The following ZNF132 variants were observed in gnomAD, a reference collection of about 807,000 sequenced individuals.
ZNF132 encodes zinc finger protein 132 (clone pHZ-12).
Under a neutral mutation model 9.3 loss-of-function variants are expected in ZNF132, and 6 were observed. The observed-to-expected ratio is 0.65, with a 90% CI of 0.35 to 1.28. ZNF132 has a LOEUF of 1.28. Ranked by LOEUF, ZNF132 falls within the 50% of genes most tolerant of loss-of-function variation. The pLI, the probability that ZNF132 is intolerant of heterozygous loss-of-function variation, is 0.03. For missense variants in ZNF132, 877 were observed against 843.2 expected, an observed-to-expected ratio of 1.04 and a Z score of -0.50; for synonymous variants, 296 against 292.0, an observed-to-expected ratio of 1.01 and a Z score of -0.14.
rs145132549 is a variant in ZNF132 at position 58,433,481 on chromosome 19, A to G, written c.1963T>C (p.Tyr655His). 15 of 1,614,030 alleles carry G rather than the reference A, an allele frequency of 9.3e-6. No homozygotes were observed. In the African/African-American group the frequency reaches 9.3e-5, roughly 10 times the overall value. ...GCTTTTCCACACTGGATGCACTCAT[A>G]GGGCCTTTCTTGTGTGTGAACTCTC... ...HQRVHTQERP[Y>H]ECIQCGKAFS... The change falls in exon 3 of 3, where the codon TAT (tyrosine) becomes CAT (histidine). Residue 655 changes from tyrosine to histidine, a missense_variant. Coordinates refer to ENST00000254166, the MANE Select transcript of ZNF132 (RefSeq NM_003433.4).
chr19:58,436,607 G>A (rs930701533), intron 2 of ZNF132, among the ~76,000 whole-genome samples: 3 of 142,456 alleles, frequency 2.1e-5, no homozygotes, highest in Non-Finnish European at 3.0e-5. Flanking sequence ...GGCAGAGCTT[G>A]CAGTAAGCTG....
intron 2 of ZNF132, chr19:58,435,434 G>T: frequency 1.9e-6 from 1 of 520,142 alleles, no homozygotes; most frequent in Non-Finnish European, 3.4e-6. Flanking sequence ...TAAGGACACA[G>T]AAATGGGTCA....
Position 58,440,024 on chromosome 19 carries a change from G to A in ZNF132, c.-203C>T. 3 of 582,792 alleles carry A rather than the reference G, an allele frequency of 5.1e-6. No individual in the cohort carries two copies. Among genetic ancestry groups the A allele is most frequent in the Non-Finnish European group, 8.9e-6 (3 of 338,082 alleles). 36.1% of individuals were successfully genotyped at this position (582,792 alleles called of 1,614,324 possible). A position where few individuals can be genotyped will look rare whatever the true frequency, so the allele number is the denominator to read the frequency against. On this transcript the variant is annotated 5_prime_UTR_variant, in exon 1 of 3. Transcript: ENST00000254166. ...GGGAACACCTTGGCTCATAAAAGCAGAGTAATTAGCCGGGCACTATGGTGC... is the reference window on the plus strand; with the variant it reads ...GGGAACACCTTGGCTCATAAAAGCAAAGTAATTAGCCGGGCACTATGGTGC...
chr19:58,435,422 G>A (rs1568597532), intron 2 of ZNF132: 1 of 544,200 alleles, frequency 1.8e-6, no homozygotes, highest in Non-Finnish European at 3.2e-6. Flanking sequence ...CCTCACCAGG[G>A]GTAAGGACAC....
At chr19:58,436,908 C>T (rs187508463) in intron 2 of ZNF132, 139 bp downstream of exon 2, 1 of 1,173,068 alleles carries the variant, frequency 8.5e-7, no homozygotes, top group Non-Finnish European at 1.3e-6. Flanking sequence ...ACAGCAGAAC[C>T]TCAGCACCCC....
intron 1 of ZNF132, among the ~76,000 whole-genome samples, chr19:58,438,769 G>A (rs942663453): frequency 2.0e-4 from 28 of 140,192 alleles, no homozygotes; most frequent in African/African-American, 6.2e-4. Context: ...CACCACGCCC[G>A]GCAATTTTTT....
chr19:58,435,161 A>G lies in ZNF132; in HGVS notation c.283T>C (p.Ser95Pro). Residue 95 changes from serine to proline, a missense_variant, in exon 3 of 3, where the codon TCT becomes CCT. Transcript: ENST00000254166. Reference protein sequence around the residue: ...GEGAHPKQNVSVEVLQVRIPN... With the variant: ...GEGAHPKQNVPVEVLQVRIPN... ...ATCCTGACCTGTAACACTTCTACAG[A>G]AACATTCTGCTTGGGATGGGCCCCC... The G allele has an allele frequency of 1.2e-6, 2 of 1,614,172 alleles. No homozygotes were observed. Among genetic ancestry groups the G allele is most frequent in the East Asian group, 4.5e-5 (2 of 44,880 alleles).
rs150569302 is a variant in ZNF132 at position 58,439,797 on chromosome 19, G to T, written c.25C>A (p.Leu9Ile). ...ATCAGCAACGCTGGCAACCCCATTA[G>T]AACCTGTGGGCTGGGCAGGGCCATA... MALPSPQV[L>I]MGLPALLMGP... The change falls in exon 1 of 3, where the codon CTA (leucine) becomes ATA (isoleucine). Residue 9 changes from leucine to isoleucine, a missense_variant. By Grantham distance (5) the Leu-to-Ile change is conservative (BLOSUM62 2). Transcript: ENST00000254166. 7.8e-5 allele frequency: 121 copies of T among 1,547,022 alleles called. No homozygotes were observed. The highest frequency in any genetic ancestry group is 1.0e-4 in the Non-Finnish European group (116 of 1,146,206).
rs143207252 is a variant in ZNF132, at chr19:58,434,018, G to A, written c.1426C>T (p.Arg476Ter). The change falls in exon 3 of 3, where the codon CGA becomes TGA. Residue 476 changes from arginine (R) to a stop codon, truncating the protein, a stop_gained. Coordinates refer to ENST00000254166, the MANE Select transcript of ZNF132 (RefSeq NM_003433.4). LOFTEE classifies it low-confidence loss of function (END_TRUNC). Reference protein sequence around the residue: ...RDFSQSSHLLRHQKVHTGERP... With the variant: ...RDFSQSSHLL ...TCTCCAGTGTGAACTTTCTGATGTC[G>A]AAGGAGATGGGAGCTTTGGCTGAAG... The A allele has an allele frequency of 1.3e-4, 210 of 1,614,090 alleles. No individual in the cohort carries two copies. The highest frequency in any genetic ancestry group is 1.6e-4 in the Middle Eastern group (1 of 6,084).
intron 1 of ZNF132, 152 bp from the exon 2 acceptor site, chr19:58,437,367 C>T (rs2052779396): frequency 2.2e-6 from 2 of 927,912 alleles, no homozygotes; most frequent in South Asian, 1.8e-5. Flanking sequence ...TCTTCTTCCT[C>T]AGGGCCCCCA....
chr19:58,434,479 A>T lies in ZNF132; in HGVS notation c.965T>A (p.Ile322Asn). The change falls in exon 3 of 3, where the codon ATT (isoleucine) becomes AAT (asparagine). Residue 322 changes from isoleucine (I) to asparagine (N), a missense_variant. By Grantham distance (149) the Ile-to-Asn change is moderately radical. Transcript: ENST00000254166. ...GTGGTTGAAGGTTTTCCCACATGCA[A>T]TGCACTCATAATATTTTACTTCAGT... ...FHTEVKYYECIACGKTFNHKL... is the reference protein window; with the variant it reads ...FHTEVKYYECNACGKTFNHKL... The T allele has an allele frequency of 6.2e-7, 1 of 1,614,202 alleles. No individual in the cohort carries two copies. Among genetic ancestry groups the T allele is most frequent in the Non-Finnish European group, 8.5e-7 (1 of 1,180,030 alleles).
In ZNF132 at chr19:58,434,403, A is replaced by T; in HGVS notation, c.1041T>A (p.Tyr347Ter). ...HQRIHSGERP[Y>*]ECDECGKAFS... ...AGGCTTTCCCACATTCATCACACTC[A>T]TAAGGTCTTTCTCCTGAGTGAATTC... The change falls in exon 3 of 3, where the codon TAT (tyrosine) becomes TAA (stop). Residue 347 changes from tyrosine (Y) to a stop codon, truncating the protein, a stop_gained. Coordinates refer to ENST00000254166, the MANE Select transcript of ZNF132 (RefSeq NM_003433.4). LOFTEE classifies it low-confidence loss of function (END_TRUNC). The T allele has an allele frequency of 6.2e-7, 1 of 1,614,262 alleles. No homozygotes were observed. The highest frequency in any genetic ancestry group is 8.5e-7 in the Non-Finnish European group (1 of 1,180,050).
chr19:58,433,116 TG>T lies in ZNF132; in HGVS notation c.*206del. ...TGCAAATTTTTGGATCCAGGCAAGA[TG>T]GAAAGTGACTATGGCTTCTGCCTTA... On this transcript the variant is annotated 3_prime_UTR_variant, in exon 3 of 3. Coordinates refer to ENST00000254166, the MANE Select transcript of ZNF132 (RefSeq NM_003433.4). 1.6e-6 allele frequency: 1 copy of T among 613,026 alleles called. No individual in the cohort carries two copies. The highest frequency in any genetic ancestry group is 2.2e-5 in the South Asian group (1 of 45,860). 38.0% of individuals were successfully genotyped at this position (613,026 alleles called of 1,614,324 possible).
intron 1 of ZNF132, 80 bp from the exon 2 acceptor site, chr19:58,437,295 A>G: frequency 6.9e-7 from 1 of 1,442,954 alleles, no homozygotes; most frequent in Non-Finnish European, 9.3e-7. Flanking sequence ...TACATCTACC[A>G]CTAATATCTC....
At chr19:58,436,508 T>C (rs2052773398) in intron 2 of ZNF132, among the ~76,000 whole-genome samples, 1 of 149,504 alleles carries the variant, frequency 6.7e-6, no homozygotes, top group Non-Finnish European at 1.5e-5. Flanking sequence ...CTACTGAAAA[T>C]ACAAAAAAAA....
At chr19:58,435,467 C>A in intron 2 of ZNF132, 1 of 398,654 alleles carries the variant, frequency 2.5e-6, no homozygotes, top group Non-Finnish European at 4.5e-6. Context: ...AGACATTTCT[C>A]TAAAAGAAGA....
chr19:58,440,075 G>A lies in ZNF132; in HGVS notation c.-254C>T. ...GTGTGAAGGCGCGGTGACGGTCCCT[G>A]CACCCACTCCCGTGCCCTGGTGTGG... On this transcript the variant is annotated 5_prime_UTR_variant, in exon 1 of 3. Transcript: ENST00000254166. 2.0e-6 allele frequency: 1 copy of A among 509,966 alleles called. No homozygotes were observed. The allele number at this position is 509,966 out of a possible 1,614,324, so 31.6% of individuals were successfully genotyped here. A position where few individuals can be genotyped will look rare whatever the true frequency, so the allele number is the denominator to read the frequency against.
Position 58,434,628 on chromosome 19 carries a change from G to T in ZNF132, c.816C>A (p.Phe272Leu). 1 of 1,614,200 alleles carries T rather than the reference G, an allele frequency of 6.2e-7. No individual in the cohort carries two copies. Among genetic ancestry groups the T allele is most frequent in the South Asian group, 1.1e-5 (1 of 91,086 alleles). Residue 272 changes from phenylalanine to leucine, a missense_variant, in exon 3 of 3, where the codon TTC becomes TTA. Coordinates refer to ENST00000254166, the MANE Select transcript of ZNF132 (RefSeq NM_003433.4). Reference sequence around the variant, plus strand: ...TACCAAGGATTGATTTCTCCTCTAAGAAATTTCCACCTGTTGGGCATGTAA... The same window carrying T: ...TACCAAGGATTGATTTCTCCTCTAATAAATTTCCACCTGTTGGGCATGTAA... ...IPFTCPTGGNFLEEKSILGNK... is the reference protein window; with the variant it reads ...IPFTCPTGGNLLEEKSILGNK...
At chr19:58,436,202 C>T (rs2052771795) in intron 2 of ZNF132, 1 of 154,114 alleles carries the variant, frequency 6.5e-6, no homozygotes, top group Non-Finnish European at 1.5e-5. Flanking sequence ...TGGGGAGTGA[C>T]AGCTAATGGG....
Sources: gnomAD v4.1 joint callset for allele counts (sites outside exome capture counted in the v4.1 genomes callset) on GRCh38, gnomAD v4.1.1 for gene constraint, MANE v1.5 for transcripts, NCBI Gene and HGNC (gene_info 2026-07-23, HGNC 2026-07-21) for gene names.